RABGAP1L: variants seen among roughly 807,000 people sequenced by gnomAD.
RABGAP1L encodes rab GTPase-activating protein 1-like.
A neutral mutation model predicts 137.7 loss-of-function variants in RABGAP1L; 63 were observed. The ratio of observed to expected loss-of-function variants is 0.46; its 90% CI spans 0.37 to 0.56. The LOEUF (loss-of-function observed/expected upper bound fraction) is 0.56, where lower values mean the gene tolerates loss of function less well. RABGAP1L is among the 20% of genes least tolerant of loss of function. The pLI, the probability that RABGAP1L is intolerant of heterozygous loss-of-function variation, is 0.00. For synonymous variants in RABGAP1L, 431 were observed against 433.7 expected (o/e 0.99, Z 0.08); for missense variants, 1,095 against 1,244.0 (o/e 0.88, Z 1.80).
intron 1 of RABGAP1L, among the ~76,000 whole-genome samples, chr1:174,169,753 G>A (rs1278504613): frequency 6.6e-6 from 1 of 152,062 alleles, no homozygotes; most frequent in Non-Finnish European, 1.5e-5. Context: ...GCAGTGGCAC[G>A]GTCATAGCTC....
chr1:174,840,825 AAT>A (rs1491041976), intron 19 of RABGAP1L, among the ~76,000 whole-genome samples: 3 of 87,950 alleles, frequency 3.4e-5, no homozygotes, highest in East Asian at 9.6e-4. Context: ...CAAAAAAAAA[AAT>A]AAAAAAAAAA....
intron 13 of RABGAP1L, among the ~76,000 whole-genome samples, chr1:174,440,037 T>C (rs1653936717): frequency 6.6e-6 from 1 of 152,178 alleles, no homozygotes; most frequent in African/African-American, 2.4e-5. Context: ...TGCATCTGAA[T>C]TAAATAAAAA....
In RABGAP1L at chr1:174,234,476, C is replaced by T. The variant is rs1391062687; in HGVS notation, c.542+3121C>T. ...TAAGGAAGGGATCCAGTTTCAGCTT[C>T]CTACATATGGCTATCCAGTTTTCCC... On this transcript the variant is annotated intron_variant, in intron 4 of 25. Coordinates refer to ENST00000681986, the MANE Select transcript of RABGAP1L (RefSeq NM_001366446.1). Among the ~76,000 whole-genome samples the T allele has an allele frequency of 9.4e-3, 1,367 of 145,504 alleles. 119 individuals carry two copies. The highest frequency in any genetic ancestry group is 0.037 in the African/African-American group (1,296 of 35,352).
In RABGAP1L at chr1:174,426,427, G is replaced by A. The variant is rs140615737; in HGVS notation, c.1710+32282G>A. Among the ~76,000 whole-genome samples, 10 of 152,010 alleles carry A rather than the reference G, an allele frequency of 6.6e-5. No homozygotes were observed. The East Asian group carries it at 1.9e-3, about 29-fold the overall frequency. On this transcript the variant is annotated intron_variant, in intron 13 of 25. Transcript: ENST00000681986. ...ACATAATATAGATATTAGATAAATG[G>A]TTTCCTAAAATTTTCCAAAACTTTT... is the stretch of plus-strand genomic sequence containing the variant.
At chr1:174,425,757 G>C (rs995785734) in intron 13 of RABGAP1L, among the ~76,000 whole-genome samples, 3 of 152,034 alleles carry the variant, frequency 2.0e-5, no homozygotes, top group African/African-American at 7.2e-5. Flanking sequence ...TTTTAACTCT[G>C]TTCATGTTGG....
intron 13 of RABGAP1L, among the ~76,000 whole-genome samples, chr1:174,471,479 A>T (rs1234386674): frequency 6.6e-6 from 1 of 152,224 alleles, no homozygotes; most frequent in Non-Finnish European, 1.5e-5. Context: ...AAATCTTAGA[A>T]AAGTCAGTAT....
chr1:174,985,605 G>A (rs1191167027), intron 24 of RABGAP1L, among the ~76,000 whole-genome samples: 1 of 151,952 alleles, frequency 6.6e-6, no homozygotes, highest in African/African-American at 2.4e-5. Flanking sequence ...AATAGCTTTT[G>A]GTTTTTTCAG....
intron 13 of RABGAP1L, among the ~76,000 whole-genome samples, chr1:174,600,376 A>G (rs539742765): frequency 6.6e-6 from 1 of 152,286 alleles, no homozygotes; most frequent in East Asian, 1.9e-4. Context: ...CCTTCCCAAC[A>G]GTCCCGCAAA....
intron 18 of RABGAP1L, among the ~76,000 whole-genome samples, chr1:174,802,091 CTA>C (rs749006399): frequency 2.7e-4 from 41 of 152,284 alleles, no homozygotes; most frequent in Middle Eastern, 3.4e-3. Flanking sequence ...TAAACTGCCT[CTA>C]GTCTGAAAAA....
At chr1:174,650,332 G>A (rs912199555) in intron 14 of RABGAP1L, among the ~76,000 whole-genome samples, 13 of 152,104 alleles carry the variant, frequency 8.5e-5, no homozygotes, top group Admixed American at 2.6e-4. Context: ...TTGGTATCAG[G>A]ATGATGCTGG....
intron 18 of RABGAP1L, among the ~76,000 whole-genome samples, chr1:174,790,854 A>G (rs780126567): frequency 1.2e-4 from 18 of 151,592 alleles, no homozygotes; most frequent in Admixed American, 5.9e-4. Flanking sequence ...TGTGCAATCT[A>G]TTACCACCTT....
At chr1:174,798,054 A>G (rs1234613541) in intron 18 of RABGAP1L, among the ~76,000 whole-genome samples, 2 of 151,834 alleles carry the variant, frequency 1.3e-5, no homozygotes, top group African/African-American at 4.8e-5. Flanking sequence ...AGCTCAAAGG[A>G]TCCTCCCACC....
chr1:174,831,036 T>C (rs922996784), intron 19 of RABGAP1L, among the ~76,000 whole-genome samples: 1 of 147,916 alleles, frequency 6.8e-6, no homozygotes, highest in African/African-American at 2.5e-5. Context: ...TAATAATTTA[T>C]AGGAGATTTG....
chr1:174,394,190 T>G (rs1478193772), intron 13 of RABGAP1L, 45 bp downstream of exon 13: 1 of 1,585,082 alleles, frequency 6.3e-7, no homozygotes, highest in African/African-American at 1.4e-5. Flanking sequence ...GATGACCTAT[T>G]AAATAAATCC....
chr1:174,230,693 G>C (rs1342843521), intron 3 of RABGAP1L, among the ~76,000 whole-genome samples: 1 of 152,124 alleles, frequency 6.6e-6, no homozygotes, highest in Non-Finnish European at 1.5e-5. Context: ...TATGACACAG[G>C]GTTGTGAATT....
intron 13 of RABGAP1L, among the ~76,000 whole-genome samples, chr1:174,421,482 C>G (rs1050035360): frequency 1.3e-5 from 2 of 152,154 alleles, no homozygotes; most frequent in Non-Finnish European, 2.9e-5. Context: ...TTTCAGTGTT[C>G]TTCATTCATT....
intron 7 of RABGAP1L, among the ~76,000 whole-genome samples, chr1:174,271,525 G>T (rs1033171632): frequency 6.6e-6 from 1 of 152,068 alleles, no homozygotes; most frequent in Non-Finnish European, 1.5e-5. Context: ...TTGTGTGTGG[G>T]TATGTGTTGT....
intron 13 of RABGAP1L, among the ~76,000 whole-genome samples, chr1:174,400,850 T>C (rs557815043): frequency 3.3e-5 from 5 of 152,240 alleles, no homozygotes; most frequent in Non-Finnish European, 7.4e-5. Flanking sequence ...ATATTGAACA[T>C]AGAATAGGGC....
rs1648761995 is a variant in RABGAP1L at position 174,853,630 on chromosome 1, C to CTGAG, written c.2340+41671_2340+41674dup. 4.6e-5 allele frequency among the ~76,000 whole-genome samples: 7 copies of CTGAG among 152,210 alleles called. No individual in the cohort carries two copies. The South Asian group carries it at 1.5e-3, about 32-fold the overall frequency. On this transcript the variant is annotated intron_variant, in intron 19 of 25. Transcript: ENST00000681986. The stretch of plus-strand genomic sequence containing the variant: ...CCTGTAGTCCCAGCTACTCGGGAGG[C>CTGAG]TGAGACAGGAGAATTGCTTGAACCT...
Sources: allele counts gnomAD v4.1 joint callset (sites outside exome capture counted in the v4.1 genomes callset), GRCh38; gene constraint gnomAD v4.1.1; transcripts MANE v1.5; gene names NCBI Gene and HGNC (gene_info 2026-07-23, HGNC 2026-07-21).